The following DOCK10 variants were observed in gnomAD, a reference collection of about 807,000 sequenced individuals.
DOCK10 encodes dedicator of cytokinesis protein 10.
A neutral mutation model predicts 280.1 loss-of-function variants in DOCK10; 145 were observed. That is an observed-to-expected ratio of 0.52 (90% CI 0.45 to 0.59). The LOEUF is 0.59. Ranked by LOEUF, DOCK10 falls within the 20% of genes least tolerant of loss-of-function variation. DOCK10 has a pLI of 0.00. For synonymous variants in DOCK10, 915 were observed against 942.2 expected (o/e 0.97, Z 0.53); for missense variants, 2,368 against 2,651.7 (o/e 0.89, Z 2.35).
At chr2:224,851,673 G>A (rs960977307) in intron 18 of DOCK10, among the ~76,000 whole-genome samples, 21 of 151,914 alleles carry the variant, frequency 1.4e-4, no homozygotes, top group South Asian at 4.2e-4. Flanking sequence ...TTGATTTGCC[G>A]AAGCTGGTAA....
chr2:224,916,559 AAAAG>A, intron 3 of DOCK10, 132 bp downstream of exon 3: 3 of 558,028 alleles, frequency 5.4e-6, no homozygotes, highest in East Asian at 3.4e-5. Context: ...AAAAAAAAAA[AAAAG>A]ACATCCACTA....
intron 24 of DOCK10, among the ~76,000 whole-genome samples, chr2:224,839,215 A>G (rs1695790282): frequency 6.6e-6 from 1 of 150,866 alleles, no homozygotes; most frequent in African/African-American, 2.4e-5. Flanking sequence ...AGTAGCTGGG[A>G]CTACAGGCAC....
intron 3 of DOCK10, among the ~76,000 whole-genome samples, chr2:224,900,446 A>T (rs7593042): frequency 0.19 from 28,239 of 152,142 alleles, 4,497 homozygotes; most frequent in African/African-American, 0.44. Context: ...TAGGCCCCAT[A>T]GGTGGTAGAA....
At position 224,789,066 on chromosome 2, in the gene DOCK10, C is replaced by T. The variant is rs1331542800; in HGVS notation, c.5416G>A (p.Glu1806Lys). 1 of 1,609,820 alleles carries T rather than the reference C, an allele frequency of 6.2e-7. No individual in the cohort carries two copies. Among genetic ancestry groups the T allele is most frequent in the African/African-American group, 1.3e-5 (1 of 74,866 alleles). The change falls in exon 48 of 56, where the codon GAG becomes AAG. Residue 1806 changes from glutamate to lysine, a missense_variant and splice_region_variant. By Grantham distance (56) the Glu-to-Lys change is moderately conservative. Transcript: ENST00000258390. The stretch of plus-strand genomic sequence containing the variant: ...ACATGAGATAATTTTGGTCTAACCT[C>T]ATTGTATGGTGTATCTTGCATTCCA... ...DSGMQDTPYN[E>K]NILVEQLYMC...
Position 224,786,313 on chromosome 2 carries a change from A to G in DOCK10, c.5655+709T>C, listed in dbSNP as rs1691729098. On this transcript the variant is annotated intron_variant, in intron 50 of 55. Coordinates refer to ENST00000258390, the MANE Select transcript of DOCK10 (RefSeq NM_014689.3). This position sits in a 1 kb window ranked among gnomAD's most constrained non-coding sequence, Gnocchi z 4.7. The stretch of plus-strand genomic sequence containing the variant: ...GTCTAAAATACGTCTGCTGAAATAT[A>G]ATAGCGTTATAAGCCTTCCTGAAAA... Among the ~76,000 whole-genome samples, 1 of 152,234 alleles carries G rather than the reference A, an allele frequency of 6.6e-6. No individual in the cohort carries two copies. Among genetic ancestry groups the G allele is most frequent in the South Asian group, 2.1e-4 (1 of 4,834 alleles).
chr2:224,816,595 A>G, intron 30 of DOCK10, 22 bp downstream of exon 30: 2 of 1,436,030 alleles, frequency 1.4e-6, no homozygotes, highest in Non-Finnish European at 1.9e-6. Context: ...GGAACTGAGG[A>G]AAATTCTGGG....
intron 1 of DOCK10, among the ~76,000 whole-genome samples, chr2:225,003,895 T>TC (rs1368102338): frequency 6.6e-6 from 1 of 152,200 alleles, no homozygotes; most frequent in African/African-American, 2.4e-5. Context: ...ACAGGTCCAA[T>TC]CATAATAGAG....
chr2:224,873,941 T>C (rs372481972), intron 11 of DOCK10, 55 bp downstream of exon 11: 1 of 1,545,960 alleles, frequency 6.5e-7, no homozygotes, highest in Admixed American at 2.1e-5. Flanking sequence ...GATTTTTGAC[T>C]AGGGTGGTGT....
Position 224,765,793 on chromosome 2 carries a change from G to T in DOCK10, c.6489C>A (p.Thr2163=). ...TTGCTTTGCTAATTACTCGAGTGCA[G>T]GTTTGGTCCACTCCGCGCTTTGACA... ...DDLSKRGVDQ[T]CTRVISKATP... is the part of the protein sequence containing the mutation. Residue 2163 remains threonine (T), a synonymous_variant, in exon 56 of 56, where the codon ACC becomes ACA. Transcript: ENST00000258390. 6.2e-7 allele frequency: 1 copy of T among 1,613,886 alleles called. No individual in the cohort carries two copies. The highest frequency in any genetic ancestry group is 8.5e-7 in the Non-Finnish European group (1 of 1,179,864).
intron 1 of DOCK10, among the ~76,000 whole-genome samples, chr2:225,028,379 G>C (rs1410912283): frequency 1.3e-5 from 2 of 152,092 alleles, no homozygotes; most frequent in African/African-American, 2.4e-5. Flanking sequence ...GGGGACCTCG[G>C]CCCTACAGTC....
intron 1 of DOCK10, among the ~76,000 whole-genome samples, chr2:224,936,071 T>C (rs377564490): frequency 6.6e-6 from 1 of 152,164 alleles, no homozygotes; most frequent in African/African-American, 2.4e-5. Context: ...TGTATCTCTT[T>C]CAGAGAACTG....
chr2:224,819,572 G>A, intron 28 of DOCK10, 43 bp from the exon 29 acceptor site: 1 of 1,235,926 alleles, frequency 8.1e-7, no homozygotes, highest in South Asian at 1.4e-5. Context: ...TTTACTTGAA[G>A]AATCATTAAA....
chr2:224,983,547 G>C (rs190034535), intron 1 of DOCK10: 4 of 241,100 alleles, frequency 1.7e-5, no homozygotes, highest in African/African-American at 8.9e-5. Flanking sequence ...GCTCCTCGGC[G>C]TGAAGGGTGC....
At chr2:224,817,347 T>C (rs1694195795) in intron 29 of DOCK10, among the ~76,000 whole-genome samples, 1 of 152,208 alleles carries the variant, frequency 6.6e-6, no homozygotes, top group East Asian at 1.9e-4. Flanking sequence ...AATAAGCATG[T>C]TCCTGACTGC....
At chr2:224,930,028 C>T (rs551042870) in intron 2 of DOCK10, among the ~76,000 whole-genome samples, 9 of 151,916 alleles carry the variant, frequency 5.9e-5, no homozygotes, top group African/African-American at 1.9e-4. Context: ...TGGCAAAACC[C>T]CATCTCTACT....
At chr2:224,829,598 C>G in intron 27 of DOCK10, among the ~76,000 whole-genome samples, 2 of 152,224 alleles carry the variant, frequency 1.3e-5, no homozygotes, top group Middle Eastern at 3.4e-3. Context: ...GGTGATCTAC[C>G]TGGCTGCTTC....
intron 3 of DOCK10, among the ~76,000 whole-genome samples, chr2:224,913,515 T>C (rs1369678784): frequency 6.6e-6 from 1 of 152,196 alleles, no homozygotes; most frequent in Admixed American, 6.5e-5. Context: ...TGTGAGTGTG[T>C]GTGTTCAGCA....
At chr2:225,019,207 C>T (rs1689718533) in intron 1 of DOCK10, among the ~76,000 whole-genome samples, 1 of 151,880 alleles carries the variant, frequency 6.6e-6, no homozygotes, top group Non-Finnish European at 1.5e-5. Flanking sequence ...TGTGCGTAGC[C>T]CCCCACATCT....
intron 14 of DOCK10, 120 bp downstream of exon 14, chr2:224,862,544 A>G (rs755562782): frequency 4.1e-6 from 3 of 724,350 alleles, no homozygotes; most frequent in Non-Finnish European, 7.2e-6. Flanking sequence ...TGACCATATT[A>G]GGATTTTCTA....
Sources: allele counts gnomAD v4.1 joint callset (sites outside exome capture counted in the v4.1 genomes callset), GRCh38; gene constraint gnomAD v4.1.1; non-coding constraint Gnocchi (gnomAD v3.1); transcripts MANE v1.5; gene names NCBI Gene and HGNC (gene_info 2026-07-23, HGNC 2026-07-21).